INPP4B: variants seen among roughly 807,000 people sequenced by gnomAD.
The protein encoded by INPP4B is inositol polyphosphate 4-phosphatase type II.
A neutral mutation model predicts 122.5 loss-of-function variants in INPP4B; 55 were observed. That is an observed-to-expected ratio of 0.45 (90% CI 0.36 to 0.56). The LOEUF (loss-of-function observed/expected upper bound fraction) is 0.56. INPP4B is among the 20% of genes least tolerant of loss of function. The pLI, the probability that INPP4B is intolerant of heterozygous loss-of-function variation, is 0.00. For missense variants in INPP4B, 1,000 were observed against 1,097.7 expected (o/e 0.91, Z 1.26); for synonymous variants, 403 against 388.7 (o/e 1.04, Z -0.43).
intron 14 of INPP4B, among the ~76,000 whole-genome samples, chr4:142,206,756 G>A (rs138644703): frequency 1.5e-3 from 232 of 151,750 alleles, no homozygotes; most frequent in African/African-American, 4.2e-3. Flanking sequence ...CAAAAGTTTC[G>A]TCTTACTCTC....
At chr4:142,547,535 T>A (rs1205877325) in intron 2 of INPP4B, among the ~76,000 whole-genome samples, 1 of 152,128 alleles carries the variant, frequency 6.6e-6, no homozygotes, top group Non-Finnish European at 1.5e-5. Flanking sequence ...ACCTTGTGGA[T>A]CACTAGCAAA....
At chr4:142,704,661 C>T (rs1762244262) in intron 2 of INPP4B, among the ~76,000 whole-genome samples, 1 of 152,162 alleles carries the variant, frequency 6.6e-6, no homozygotes, top group African/African-American at 2.4e-5. Context: ...CTATCATTTG[C>T]ATATTCTTTT....
At chr4:142,692,222 C>T (rs752010200) in intron 2 of INPP4B, among the ~76,000 whole-genome samples, 38 of 152,120 alleles carry the variant, frequency 2.5e-4, no homozygotes, top group South Asian at 8.3e-4. Context: ...CTCCTTCACT[C>T]ACCTGCTTTA....
chr4:142,732,868 G>A (rs1295172592), intron 1 of INPP4B, among the ~76,000 whole-genome samples: 1 of 152,022 alleles, frequency 6.6e-6, no homozygotes, highest in Non-Finnish European at 1.5e-5. Flanking sequence ...GCCAAGATTA[G>A]CCAAGGAAGA....
At chr4:142,470,557 A>C (rs1480329120) in intron 2 of INPP4B, among the ~76,000 whole-genome samples, 1 of 152,184 alleles carries the variant, frequency 6.6e-6, no homozygotes, top group Non-Finnish European at 1.5e-5. Flanking sequence ...TTAGCACAAG[A>C]TGCTCATTTC....
intron 3 of INPP4B, among the ~76,000 whole-genome samples, chr4:142,435,819 A>C (rs913042298): frequency 1.3e-5 from 2 of 152,278 alleles, no homozygotes; most frequent in Non-Finnish European, 2.9e-5. Flanking sequence ...ACTGGGGCCT[A>C]GGGTCCCAAC....
At chr4:142,472,996 C>T (rs1261758875) in intron 2 of INPP4B, among the ~76,000 whole-genome samples, 1 of 152,124 alleles carries the variant, frequency 6.6e-6, no homozygotes, top group Non-Finnish European at 1.5e-5. Flanking sequence ...AATCCTGTTA[C>T]CAACAAAATC....
chr4:142,259,210 G>T (rs1333896945), intron 11 of INPP4B, among the ~76,000 whole-genome samples: 6 of 115,606 alleles, frequency 5.2e-5, no homozygotes, highest in African/African-American at 1.6e-4. Context: ...GTTGTGGGGT[G>T]GGGGGAGGGG....
chr4:142,595,905 A>G (rs1738593476), intron 2 of INPP4B, among the ~76,000 whole-genome samples: 1 of 151,978 alleles, frequency 6.6e-6, no homozygotes, highest in Non-Finnish European at 1.5e-5. Context: ...TGTGGAGTGC[A>G]GTGGCACCAT....
intron 1 of INPP4B, among the ~76,000 whole-genome samples, chr4:142,823,806 T>C (rs1781090822): frequency 6.6e-6 from 1 of 152,178 alleles, no homozygotes; most frequent in Admixed American, 6.5e-5. Flanking sequence ...GAACAGTCAG[T>C]CCTTGTGATG....
intron 17 of INPP4B, among the ~76,000 whole-genome samples, chr4:142,156,773 G>A (rs1020686108): frequency 1.5e-4 from 23 of 151,992 alleles, no homozygotes; most frequent in African/African-American, 5.1e-4. Flanking sequence ...GAGTGAGCAG[G>A]ATTCTCTTTT....
chr4:142,615,642 C>T (rs935027642), intron 2 of INPP4B, among the ~76,000 whole-genome samples: 2 of 151,934 alleles, frequency 1.3e-5, no homozygotes, highest in Non-Finnish European at 1.5e-5. Context: ...TTTATTAATG[C>T]GAGTCAGTTG....
intron 24 of INPP4B, among the ~76,000 whole-genome samples, chr4:142,082,473 G>C (rs573459390): frequency 1.3e-5 from 2 of 152,150 alleles, no homozygotes; most frequent in Non-Finnish European, 2.9e-5. Flanking sequence ...CTACCCAAGG[G>C]GGGTGCCTGG....
At chr4:142,472,418 C>A (rs1423437258) in intron 2 of INPP4B, among the ~76,000 whole-genome samples, 1 of 152,090 alleles carries the variant, frequency 6.6e-6, no homozygotes, top group East Asian at 1.9e-4. Flanking sequence ...GTCAGTGATA[C>A]CGAACCCAGT....
chr4:142,331,018 G>T (rs1012204761), intron 7 of INPP4B, among the ~76,000 whole-genome samples: 1 of 152,058 alleles, frequency 6.6e-6, no homozygotes, highest in Non-Finnish European at 1.5e-5. Flanking sequence ...CTTTGATGCT[G>T]TCACAAATAA....
intron 9 of INPP4B, among the ~76,000 whole-genome samples, chr4:142,297,861 GC>G (rs942100374): frequency 3.3e-5 from 5 of 152,190 alleles, no homozygotes; most frequent in Admixed American, 3.3e-4. Context: ...TAAGTTTCAT[GC>G]AAGAATAAAG....
rs1246863451 is a variant in INPP4B, at chr4:142,023,772, T to C, written c.*5010A>G. On this transcript the variant is annotated 3_prime_UTR_variant, in exon 26 of 26. Coordinates refer to ENST00000262992, the MANE Select transcript of INPP4B (RefSeq NM_001101669.3). ...AGAACTGTATTTACTAAAATATATT[T>C]TTTTTGGCAAGATGTGATTTATCAG... 6.6e-6 allele frequency: 1 copy of C among 152,182 alleles called. No individual in the cohort carries two copies. The highest frequency in any genetic ancestry group is 1.5e-5 in the Non-Finnish European group (1 of 68,014). 9.4% of individuals were successfully genotyped at this position (152,182 alleles called of 1,614,324 possible).
chr4:142,401,900 G>T (rs534573079), intron 7 of INPP4B, among the ~76,000 whole-genome samples: 8 of 152,254 alleles, frequency 5.3e-5, no homozygotes, highest in African/African-American at 1.9e-4. Context: ...GAACTTTTCT[G>T]GGGCTAAGAT....
At chr4:142,668,851 A>ATCCTG (rs1756548384) in intron 2 of INPP4B, among the ~76,000 whole-genome samples, 2 of 151,698 alleles carry the variant, frequency 1.3e-5, no homozygotes, top group African/African-American at 4.8e-5. Flanking sequence ...GATTGAGACT[A>ATCCTG]TCCTGGCTAA....
Sources: gnomAD v4.1 joint callset for allele counts (sites outside exome capture counted in the v4.1 genomes callset) on GRCh38, gnomAD v4.1.1 for gene constraint, MANE v1.5 for transcripts, NCBI Gene and HGNC (gene_info 2026-07-23, HGNC 2026-07-21) for gene names.